The following FAM72B variants were observed in gnomAD, a reference collection of about 807,000 sequenced individuals.
The protein encoded by FAM72B is protein FAM72B.
A neutral mutation model predicts 12.6 loss-of-function variants in FAM72B; 4 were observed. The observed-to-expected ratio is 0.32, with a 90% CI of 0.16 to 0.73. FAM72B has a LOEUF of 0.73. FAM72B is among the 30% of genes least tolerant of loss of function. The pLI is 0.67. For synonymous variants in FAM72B, 13 were observed against 53.9 expected (o/e 0.24, Z 3.32); for missense variants, 61 against 158.4 (o/e 0.39, Z 3.30).
intron 3 of FAM72B, among the ~76,000 whole-genome samples, chr1:121,170,215 C>G (rs1372408556): frequency 1.4e-5 from 2 of 145,856 alleles, no homozygotes; most frequent in Middle Eastern, 3.5e-3. Context: ...AGGTGATCCC[C>G]CTCGCCTCGG....
chr1:121,168,872 C>G (rs1481836282), intron 3 of FAM72B, 37 bp from the exon 4 acceptor site: 1 of 1,586,084 alleles, frequency 6.3e-7, no homozygotes, highest in Non-Finnish European at 8.6e-7. Flanking sequence ...TTAATGCTTA[C>G]TACTGTTATA....
chr1:121,174,446 C>A (rs1553316608), intron 3 of FAM72B, among the ~76,000 whole-genome samples: 1 of 144,488 alleles, frequency 6.9e-6, no homozygotes, highest in African/African-American at 2.6e-5. Context: ...TGGCTCACCG[C>A]AACCTCCGCC....
intron 3 of FAM72B, among the ~76,000 whole-genome samples, chr1:121,169,523 A>G (rs587750375): frequency 0.058 from 8,746 of 151,208 alleles, 865 homozygotes; most frequent in African/African-American, 0.2. Flanking sequence ...GAGATCTCAC[A>G]AGATCCTTTT....
chr1:121,171,924 G>C (rs1326627293), intron 3 of FAM72B, among the ~76,000 whole-genome samples: 1 of 126,774 alleles, frequency 7.9e-6, no homozygotes, highest in Non-Finnish European at 1.6e-5. Context: ...TGCAATTCGT[G>C]ATCTTTTGGT....
At chr1:121,172,537 C>CAG (rs1242549363) in intron 3 of FAM72B, among the ~76,000 whole-genome samples, 2 of 146,572 alleles carry the variant, frequency 1.4e-5, no homozygotes, top group Non-Finnish European at 2.9e-5. Context: ...CTGAGGTGGG[C>CAG]AGATCACCTG....
chr1:121,178,794 C>A (rs1654266392), intron 2 of FAM72B, among the ~76,000 whole-genome samples: 1 of 146,608 alleles, frequency 6.8e-6, no homozygotes, highest in Admixed American at 6.9e-5. Flanking sequence ...CTTCAATAGC[C>A]AAAAATGAAA....
intron 3 of FAM72B, among the ~76,000 whole-genome samples, chr1:121,176,916 G>T (rs1654226428): frequency 6.7e-6 from 1 of 148,566 alleles, no homozygotes; most frequent in African/African-American, 2.5e-5. Flanking sequence ...AAATTCTCTG[G>T]AGTCAGAATA....
intron 2 of FAM72B, among the ~76,000 whole-genome samples, chr1:121,179,637 G>A (rs1167616169): frequency 1.3e-5 from 2 of 151,872 alleles, no homozygotes; most frequent in African/African-American, 4.8e-5. Context: ...AGAGCAGCCT[G>A]GGCAACACGG....
chr1:121,176,826 C>T (rs1257819274), intron 3 of FAM72B, among the ~76,000 whole-genome samples: 38 of 152,308 alleles, frequency 2.5e-4, no homozygotes, highest in African/African-American at 8.9e-4. Context: ...ACTCCCATTG[C>T]CCTAGGCTTG....
intron 3 of FAM72B, among the ~76,000 whole-genome samples, chr1:121,174,296 A>T (rs1230193755): frequency 6.6e-5 from 10 of 151,916 alleles, no homozygotes; most frequent in Non-Finnish European, 1.3e-4. Flanking sequence ...AGCTGCAGCA[A>T]GTTATCCAGA....
chr1:121,173,124 C>A (rs587609809), intron 3 of FAM72B, among the ~76,000 whole-genome samples: 54 of 148,190 alleles, frequency 3.6e-4, no homozygotes, highest in African/African-American at 1.3e-3. Context: ...AGCACCTTAA[C>A]ACAAGGAAAA....
rs587635541 is a variant in FAM72B at position 121,169,652 on chromosome 1, G to A, written c.356-817C>T. Among the ~76,000 whole-genome samples the A allele has an allele frequency of 3.3e-3, 503 of 152,216 alleles. 2 individuals carry two copies. Among genetic ancestry groups the A allele is most frequent in the South Asian group, 9.8e-3 (47 of 4,820 alleles). Reference sequence around the variant, plus strand: ...TGATTCAGAAAAAAAGCAAGGGTTCGGAGACAGTTATAATATGAACTGCAA... The same window carrying A: ...TGATTCAGAAAAAAAGCAAGGGTTCAGAGACAGTTATAATATGAACTGCAA... On this transcript the variant is annotated intron_variant, in intron 3 of 3. Transcript: ENST00000369390.
chr1:121,169,974 T>G (rs1654059222), intron 3 of FAM72B, among the ~76,000 whole-genome samples: 2 of 149,504 alleles, frequency 1.3e-5, no homozygotes, highest in Non-Finnish European at 2.9e-5. Context: ...AGCAAATCTT[T>G]TTTTTTTTCT....
chr1:121,172,761 A>G, intron 3 of FAM72B, among the ~76,000 whole-genome samples: 1 of 22,154 alleles, frequency 4.5e-5, no homozygotes, highest in South Asian at 8.4e-4. Context: ...ACTCCATCTC[A>G]AAAAAAAAAA....
At position 121,168,531 on chromosome 1, in the gene FAM72B, G is replaced by A. The variant is rs1293339668; in HGVS notation, c.*210C>T. On this transcript the variant is annotated 3_prime_UTR_variant, in exon 4 of 4. Coordinates refer to ENST00000369390, the MANE Select transcript of FAM72B (RefSeq NM_001100910.2). Reference sequence around the variant, plus strand: ...CCTACACTGGGCAGAAAAAGGTGGGGGAGAGGAAGTAGAAGTAGAGGAAAA... The same window carrying A: ...CCTACACTGGGCAGAAAAAGGTGGGAGAGAGGAAGTAGAAGTAGAGGAAAA... 3 of 454,796 alleles carry A rather than the reference G, an allele frequency of 6.6e-6. No individual in the cohort carries two copies. Among genetic ancestry groups the A allele is most frequent in the African/African-American group, 2.1e-5 (1 of 48,434 alleles). 28.2% of individuals were successfully genotyped at this position (454,796 alleles called of 1,614,324 possible).
At chr1:121,169,978 T>C (rs1334395555) in intron 3 of FAM72B, among the ~76,000 whole-genome samples, 2 of 152,080 alleles carry the variant, frequency 1.3e-5, no homozygotes, top group Non-Finnish European at 2.9e-5. Flanking sequence ...AATCTTTTTT[T>C]TTTTCTTTTT....
At position 121,168,721 on chromosome 1, in the gene FAM72B, C is replaced by G. The variant is rs782276716; in HGVS notation, c.*20G>C. 6.7e-7 allele frequency: 1 copy of G among 1,494,522 alleles called. No homozygotes were observed. Among genetic ancestry groups the G allele is most frequent in the Non-Finnish European group, 8.9e-7 (1 of 1,119,192 alleles). The allele number at this position is 1,494,522 out of a possible 1,614,324, so 92.6% of individuals were successfully genotyped here. ...TTTAAATAGAAAAAAGTTTGTATAT[C>G]ATATATATCATAATTCCATTTATCT... On this transcript the variant is annotated 3_prime_UTR_variant, in exon 4 of 4. Transcript: ENST00000369390.
intron 2 of FAM72B, among the ~76,000 whole-genome samples, chr1:121,180,187 T>C (rs1570683883): frequency 1.3e-5 from 1 of 74,702 alleles, no homozygotes; most frequent in East Asian, 3.2e-4. Context: ...TTAACATTCA[T>C]ATTTGCTCTT....
chr1:121,176,384 C>T (rs1654213589), intron 3 of FAM72B, among the ~76,000 whole-genome samples: 2 of 74,102 alleles, frequency 2.7e-5, no homozygotes, highest in Non-Finnish European at 5.2e-5. Context: ...GCTGCCCAGG[C>T]TGGTCTCAAA....
Sources: allele counts gnomAD v4.1 joint callset (sites outside exome capture counted in the v4.1 genomes callset), GRCh38; gene constraint gnomAD v4.1.1; transcripts MANE v1.5; gene names NCBI Gene and HGNC (gene_info 2026-07-23, HGNC 2026-07-21).